Variants in CFAP70 observed in about 807,000 individuals in gnomAD.
CFAP70 encodes the protein cilia- and flagella-associated protein 70.
CFAP70 carries 81 observed loss-of-function variants against 137.6 expected under a neutral mutation model. The ratio of observed to expected loss-of-function variants is 0.59; its 90% CI spans 0.49 to 0.71. The LOEUF (loss-of-function observed/expected upper bound fraction) is 0.71. Ranked by LOEUF, CFAP70 falls within the 30% of genes least tolerant of loss-of-function variation. The pLI, the probability that CFAP70 is intolerant of heterozygous loss-of-function variation, is 0.00. For synonymous variants in CFAP70, 382 were observed against 423.6 expected (o/e 0.90, Z 1.20); for missense variants, 976 against 1,226.7 (o/e 0.80, Z 3.05).
In CFAP70 at chr10:73,299,097, A is replaced by AC; in HGVS notation, c.1321dup (p.Val441GlyfsTer3). 1 of 1,607,262 alleles carries AC rather than the reference A, an allele frequency of 6.2e-7. No individual in the cohort carries two copies. Among genetic ancestry groups the AC allele is most frequent in the Non-Finnish European group, 8.5e-7 (1 of 1,176,986 alleles). Reference sequence around the variant, plus strand: ...CTTGATCTGTATGTGGTAGTCACTCACTGCCTAAGAAAATACAAAACATCT... The same window carrying AC: ...CTTGATCTGTATGTGGTAGTCACTCACCTGCCTAAGAAAATACAAAACATCT... On this transcript the variant is annotated frameshift_variant, in exon 14 of 27. Coordinates refer to ENST00000310715, the Ensembl canonical transcript of CFAP70. LOFTEE classifies it high-confidence loss of function.
At chr10:73,337,686 C>A (rs1221588065) in intron 6 of CFAP70, among the ~76,000 whole-genome samples, 2 of 152,140 alleles carry the variant, frequency 1.3e-5, no homozygotes, top group Non-Finnish European at 2.9e-5. Context: ...AGGCAGATCA[C>A]CTGAGGTCAG....
At chr10:73,348,117 A>G in intron 4 of CFAP70, 39 bp downstream of exon 5, 1 of 1,575,156 alleles carries the variant, frequency 6.3e-7, no homozygotes, top group Non-Finnish European at 8.7e-7. Context: ...GTTACATTGA[A>G]TGGCAGGCTG....
At chr10:73,350,545 T>A (rs1195907691) in intron 3 of CFAP70, among the ~76,000 whole-genome samples, 4 of 152,288 alleles carry the variant, frequency 2.6e-5, no homozygotes, top group Non-Finnish European at 5.9e-5. Context: ...TAAATTTGCC[T>A]TCTGTCTAGA....
intron 7 of CFAP70, among the ~76,000 whole-genome samples, chr10:73,333,745 A>G (rs2052352001): frequency 6.6e-6 from 1 of 152,222 alleles, no homozygotes; most frequent in Non-Finnish European, 1.5e-5. Flanking sequence ...GCCTTACAAG[A>G]AATGCTAAAA....
At chr10:73,329,265 T>G (rs935166339) in intron 8 of CFAP70, among the ~76,000 whole-genome samples, 1 of 151,996 alleles carries the variant, frequency 6.6e-6, no homozygotes, top group Non-Finnish European at 1.5e-5. Flanking sequence ...CCGCATGTTC[T>G]CACTCATAGG....
At chr10:73,284,374 C>G (rs1351594160) in intron 19 of CFAP70, among the ~76,000 whole-genome samples, 1 of 152,024 alleles carries the variant, frequency 6.6e-6, no homozygotes, top group African/African-American at 2.4e-5. Flanking sequence ...CCAAGATAAT[C>G]TCCCCATTTC....
In CFAP70 at chr10:73,347,386, C is replaced by T. The variant is rs78717220; in HGVS notation, c.349+1037G>A. ...AGGTACGAGGCTATTTGTAACTATC[C>T]AAGTGAGAGGTAATAAGGCAATAAA... On this transcript the variant is annotated intron_variant, in intron 4 of 26. Coordinates refer to ENST00000310715, the Ensembl canonical transcript of CFAP70. Among the ~76,000 whole-genome samples the T allele has an allele frequency of 1.4e-4, 21 of 152,064 alleles. No individual in the cohort carries two copies. The East Asian group carries it at 4.1e-3, about 29-fold the overall frequency.
intron 14 of CFAP70, among the ~76,000 whole-genome samples, chr10:73,297,665 G>A (rs1250413259): frequency 6.6e-6 from 1 of 152,158 alleles, no homozygotes; most frequent in Non-Finnish European, 1.5e-5. Flanking sequence ...AGATGATTGA[G>A]AAGCCAAAGA....
At chr10:73,256,715 A>C (rs2044543131) in intron 25 of CFAP70, among the ~76,000 whole-genome samples, 1 of 151,944 alleles carries the variant, frequency 6.6e-6, no homozygotes, top group South Asian at 2.1e-4. Flanking sequence ...CATCCTGGCT[A>C]ACACGGTGAA....
At chr10:73,333,219 T>C (rs534427348) in intron 7 of CFAP70, among the ~76,000 whole-genome samples, 1 of 151,566 alleles carries the variant, frequency 6.6e-6, no homozygotes, top group South Asian at 2.1e-4. Flanking sequence ...TTCCCCAAAC[T>C]GAAATGCAAA....
chr10:73,330,280 T>C (rs919150793), intron 8 of CFAP70, among the ~76,000 whole-genome samples: 1 of 151,792 alleles, frequency 6.6e-6, no homozygotes, highest in Admixed American at 6.6e-5. Flanking sequence ...TGAAGCCCTG[T>C]CTCTGCTAAA....
chr10:73,262,267 G>C (rs1270008290), intron 25 of CFAP70, among the ~76,000 whole-genome samples: 1 of 151,728 alleles, frequency 6.6e-6, no homozygotes, highest in African/African-American at 2.4e-5. Context: ...ATGAAATCTT[G>C]TGCCATCCCT....
At chr10:73,273,083 T>C in intron 23 of CFAP70, 66 bp from the exon 25 acceptor site, 2 of 1,211,592 alleles carry the variant, frequency 1.7e-6, no homozygotes, top group South Asian at 2.6e-5. Flanking sequence ...GCTGGGATGA[T>C]CATGGGATCT....
intron 5 of CFAP70, 123 bp downstream of exon 6, chr10:73,344,942 T>TAAA: frequency 1.5e-6 from 1 of 661,394 alleles, no homozygotes; most frequent in East Asian, 2.7e-5. Context: ...TTTTCAAGCC[T>TAAA]AAAATAAATC....
At chr10:73,361,075 T>C (rs889277304), upstream of CFAP70, among the ~76,000 whole-genome samples, 2 of 151,974 alleles carry the variant, frequency 1.3e-5, no homozygotes, top group African/African-American at 4.8e-5. Flanking sequence ...CTGGGTTCAC[T>C]GCAACCTCCA....
chr10:73,348,367 G>A, intron 4 of CFAP70, 56 bp downstream of exon 4: 1 of 1,561,980 alleles, frequency 6.4e-7, no homozygotes, highest in African/African-American at 1.4e-5. Context: ...TATCTCTCTG[G>A]GGCTAAGTTT....
intron 1 of CFAP70, 65 bp from the exon 2 acceptor site, chr10:73,354,900 T>C (rs2054548421): frequency 3.2e-6 from 3 of 924,482 alleles, no homozygotes; most frequent in Non-Finnish European, 5.2e-6. Context: ...CCATATTCCA[T>C]CATAACCAAT....
At chr10:73,333,528 C>T (rs2052335256) in intron 7 of CFAP70, among the ~76,000 whole-genome samples, 1 of 151,932 alleles carries the variant, frequency 6.6e-6, no homozygotes, top group Admixed American at 6.6e-5. Context: ...ACTTTACCTA[C>T]AGAAGAACAA....
intron 23 of CFAP70, 80 bp downstream of exon 24, chr10:73,274,353 G>T: frequency 7.0e-7 from 1 of 1,428,872 alleles, no homozygotes; most frequent in Non-Finnish European, 9.4e-7. Flanking sequence ...ACTAGTTTTA[G>T]TCCACACAGA....
Sources: allele counts gnomAD v4.1 joint callset (sites outside exome capture counted in the v4.1 genomes callset), GRCh38; gene constraint gnomAD v4.1.1; transcripts MANE v1.5; gene names NCBI Gene and HGNC (gene_info 2026-07-23, HGNC 2026-07-21).